Variants in PCDHGA1 observed in about 807,000 individuals in gnomAD.
PCDHGA1 encodes protocadherin gamma subfamily A, 1.
PCDHGA1 carries 32 observed loss-of-function variants against 58.0 expected under a neutral mutation model. The ratio of observed to expected loss-of-function variants is 0.55; its 90% confidence interval spans 0.42 to 0.74. The LOEUF (loss-of-function observed/expected upper bound fraction) is 0.74. Among genes scored for constraint, PCDHGA1 ranks in the 30% least tolerant of loss-of-function variants. The probability of loss-of-function intolerance (pLI) is 0.00; values close to 1 mark genes in which losing one functional copy is unlikely to be tolerated. For missense variants in PCDHGA1, 1,205 were observed against 1,182.3 expected, an observed-to-expected ratio of 1.02 and a Z score of -0.28; for synonymous variants, 498 against 501.1, an observed-to-expected ratio of 0.99 and a Z score of 0.08.
In PCDHGA1 at chr5:141,491,091, A is replaced by T; in HGVS notation, c.2422-3716A>T. ...TGTTGCCACAGTCCACAGCCCCAGG[A>T]CTGTTCCTCGTGTCTACACACACTG... On this transcript the variant is annotated intron_variant, in intron 1 of 3. Transcript: ENST00000517417. This position sits in a 1 kb window ranked among gnomAD's most constrained non-coding sequence, Gnocchi z 6.9. The T allele has an allele frequency of 6.2e-7, 1 of 1,614,032 alleles. No individual in the cohort carries two copies. Among genetic ancestry groups the T allele is most frequent in the Non-Finnish European group, 8.5e-7 (1 of 1,180,000 alleles).
At chr5:141,410,335 T>C (rs2095381391) in intron 1 of PCDHGA1, 1 of 1,613,894 alleles carries the variant, frequency 6.2e-7, no homozygotes, top group African/African-American at 1.3e-5. Context: ...TTCTGGCCAT[T>C]GCCTTGCGCC....
At chr5:141,389,122 A>G (rs2091613113) in intron 1 of PCDHGA1, 1 of 1,613,914 alleles carries the variant, frequency 6.2e-7, no homozygotes, top group Admixed American at 1.7e-5. Context: ...CGCGAGCAGA[A>G]TCCAGAGTAC....
In PCDHGA1 at chr5:141,361,166, C is replaced by T. The variant is rs1471893315; in HGVS notation, c.2421+28061C>T. 3 of 1,613,940 alleles carry T rather than the reference C, an allele frequency of 1.9e-6. No homozygotes were observed. The Admixed American group carries it at 5.0e-5, about 27-fold the overall frequency. On this transcript the variant is annotated intron_variant, in intron 1 of 3. Coordinates refer to ENST00000517417, the MANE Select transcript of PCDHGA1 (RefSeq NM_018912.3). ...GAAATTCTTGATGACAACGATTGTG[C>T]ACCTGAAGTTATTGTGACTTCAGTA...
At chr5:141,443,209 C>T (rs1183847804) in intron 1 of PCDHGA1, among the ~76,000 whole-genome samples, 2 of 152,030 alleles carry the variant, frequency 1.3e-5, no homozygotes, top group African/African-American at 2.4e-5. Flanking sequence ...GAGCTTGTCT[C>T]GCCAGGCGCA....
intron 1 of PCDHGA1, chr5:141,413,736 G>C: frequency 6.2e-7 from 1 of 1,613,452 alleles, no homozygotes; most frequent in South Asian, 1.1e-5. Context: ...TAAGAGTTCA[G>C]AGCCGTGCCA....
rs1000775080 is a variant in PCDHGA1 at position 141,487,567 on chromosome 5, G to C, written c.2422-7240G>C. 2 of 1,614,168 alleles carry C rather than the reference G, an allele frequency of 1.2e-6. No individual in the cohort carries two copies. The highest frequency in any genetic ancestry group is 1.7e-6 in the Non-Finnish European group (2 of 1,180,036). ...CACCCAGTGCACCTATGGCAGGGGA[G>C]CCTGTTCGCCCAAGCTGCCCACCCT... On this transcript the variant is annotated intron_variant, in intron 1 of 3. Coordinates refer to ENST00000517417, the MANE Select transcript of PCDHGA1 (RefSeq NM_018912.3). The surrounding 1 kb of genome is among the most constrained non-coding windows in gnomAD (Gnocchi z 5.0).
At chr5:141,419,088 T>C in intron 1 of PCDHGA1, 3 of 1,613,940 alleles carry the variant, frequency 1.9e-6, no homozygotes, top group Non-Finnish European at 2.5e-6. Context: ...GATGAGGCCC[T>C]GGATCGGGAG....
In PCDHGA1 at chr5:141,512,501, G is replaced by A. The variant is rs1474842711; in HGVS notation, c.*1328G>A. The A allele has an allele frequency of 6.5e-6, 1 of 152,914 alleles. No homozygotes were observed. The highest frequency in any genetic ancestry group is 1.5e-5 in the Non-Finnish European group (1 of 68,258). The allele number at this position is 152,914 out of a possible 1,614,324, so 9.5% of individuals were successfully genotyped here. On this transcript the variant is annotated 3_prime_UTR_variant, in exon 4 of 4. Transcript: ENST00000517417. The stretch of plus-strand genomic sequence containing the variant: ...GAAGGCCACTGCCCAGGTCCCCAGT[G>A]CGCCCCCTAGTGGCCATAGCCTGGT...
chr5:141,421,047 C>G, intron 1 of PCDHGA1: 1 of 552,794 alleles, frequency 1.8e-6, no homozygotes, highest in Middle Eastern at 4.8e-4. Flanking sequence ...CCTCCCCCGC[C>G]TCTACCACAC....
At chr5:141,405,938 G>A (rs1249578216) in intron 1 of PCDHGA1, among the ~76,000 whole-genome samples, 2 of 152,114 alleles carry the variant, frequency 1.3e-5, no homozygotes, top group Non-Finnish European at 2.9e-5. Flanking sequence ...TAACTTTCAT[G>A]TTCTCATAAT....
chr5:141,365,776 C>T (rs764374830), intron 1 of PCDHGA1: 6 of 1,613,892 alleles, frequency 3.7e-6, no homozygotes, highest in South Asian at 1.1e-5. Flanking sequence ...CCGACAGCGG[C>T]GACAACGCTC....
chr5:141,389,553 G>T, intron 1 of PCDHGA1: 1 of 1,613,234 alleles, frequency 6.2e-7, no homozygotes. Context: ...CAACGACAAT[G>T]CGCCACGGGT....
chr5:141,410,778 G>T, intron 1 of PCDHGA1: 3 of 818,726 alleles, frequency 3.7e-6, no homozygotes, highest in Non-Finnish European at 3.4e-6. Flanking sequence ...TTTTCACTAT[G>T]TATTTGGTTC....
chr5:141,511,412 C>A lies in PCDHGA1; in HGVS notation c.*239C>A. 1.1e-6 allele frequency: 1 copy of A among 892,000 alleles called. No homozygotes were observed. Among genetic ancestry groups the A allele is most frequent in the Non-Finnish European group, 1.6e-6 (1 of 609,476 alleles). The allele number at this position is 892,000 out of a possible 1,614,324, so 55.3% of individuals were successfully genotyped here. On this transcript the variant is annotated 3_prime_UTR_variant, in exon 4 of 4. Coordinates refer to ENST00000517417, the MANE Select transcript of PCDHGA1 (RefSeq NM_018912.3). ...AACCCCCATCCAATCAACTGCTGTA[C>A]CCATGGGGGTAGTGGGGTTACTGTA...
intron 1 of PCDHGA1, chr5:141,393,581 C>T (rs1356594219): frequency 5.0e-6 from 8 of 1,613,790 alleles, no homozygotes; most frequent in Non-Finnish European, 6.8e-6. Flanking sequence ...AGAACATGCC[C>T]CCAGGCACGC....
intron 1 of PCDHGA1, chr5:141,345,515 C>T: frequency 6.2e-7 from 1 of 1,614,144 alleles, no homozygotes; most frequent in Non-Finnish European, 8.5e-7. Flanking sequence ...TGACCGAGGA[C>T]ACTCTCCAGG....
intron 1 of PCDHGA1, among the ~76,000 whole-genome samples, chr5:141,466,704 T>C (rs1175063183): frequency 6.6e-6 from 1 of 152,202 alleles, no homozygotes; most frequent in Admixed American, 6.5e-5. Context: ...AAATTTGATG[T>C]CTGTTCTTGT....
Position 141,429,390 on chromosome 5 carries a change from A to ATTTT in PCDHGA1, c.2422-65417_2422-65416insTTTT, listed in dbSNP as rs1561841316. ...TGGAGAAAATGTGTTTTTTTTTTAA[A>ATTTT]AAAAATTGAGATTAAGGTCTCATTA... On this transcript the variant is annotated intron_variant, in intron 1 of 3. Coordinates refer to ENST00000517417, the MANE Select transcript of PCDHGA1 (RefSeq NM_018912.3). 1.2e-4 allele frequency among the ~76,000 whole-genome samples: 18 copies of ATTTT among 150,328 alleles called. No homozygotes were observed. In the East Asian group the frequency reaches 1.9e-3, roughly 16 times the overall value.
intron 1 of PCDHGA1, chr5:141,364,366 G>C: frequency 6.4e-7 from 1 of 1,563,758 alleles, no homozygotes; most frequent in Non-Finnish European, 8.6e-7. Flanking sequence ...GCTGCGGAGA[G>C]CTGCTGCTGC....
Sources: gnomAD v4.1 joint callset for allele counts (sites outside exome capture counted in the v4.1 genomes callset) on GRCh38, gnomAD v4.1.1 for gene constraint, Gnocchi (gnomAD v3.1) non-coding constraint, MANE v1.5 for transcripts, NCBI Gene and HGNC (gene_info 2026-07-23, HGNC 2026-07-21) for gene names.